Variants in LAMC2 observed in about 807,000 individuals in gnomAD.
LAMC2 encodes the protein laminin subunit gamma-2.
In LAMC2, 97 loss-of-function variants were observed where a neutral mutation model predicts 140.2. That is an observed-to-expected ratio of 0.69 (90% CI 0.59 to 0.82). The LOEUF (loss-of-function observed/expected upper bound fraction) is 0.82. Among genes scored for constraint, LAMC2 ranks in the 40% least tolerant of loss-of-function variants. The pLI, the probability that LAMC2 is intolerant of heterozygous loss-of-function variation, is 0.00. For missense variants in LAMC2, 1,402 were observed against 1,476.1 expected, an observed-to-expected ratio of 0.95 and a Z score of 0.82; for synonymous variants, 513 against 540.2, an observed-to-expected ratio of 0.95 and a Z score of 0.70.
intron 2 of LAMC2, among the ~76,000 whole-genome samples, chr1:183,208,793 C>T (rs1174105289): frequency 1.3e-5 from 2 of 152,070 alleles, no homozygotes; most frequent in African/African-American, 2.4e-5. Context: ...GATTCCCCTG[C>T]CTTAGCTTCC....
At chr1:183,231,155 G>C (rs777437488) in intron 12 of LAMC2, 52 bp downstream of exon 12, 1 of 1,606,644 alleles carries the variant, frequency 6.2e-7, no homozygotes, top group Non-Finnish European at 8.5e-7. Context: ...AAATCCTTAA[G>C]TGTCCACTGG....
At chr1:183,255,651 TATTCC>T in the LAMC2 span, among the ~76,000 whole-genome samples, 2 of 137,422 alleles carry the variant, frequency 1.5e-5, no homozygotes, top group African/African-American at 6.5e-5. Context: ...TTGTTAAATT[TATTCC>T]TAAGGGTTTT....
chr1:183,206,026 C>A (rs1166368923), intron 1 of LAMC2, among the ~76,000 whole-genome samples: 1 of 152,152 alleles, frequency 6.6e-6, no homozygotes, highest in Non-Finnish European at 1.5e-5. Flanking sequence ...TAAACTCAAT[C>A]TTGAGAAGGA....
the LAMC2 span, among the ~76,000 whole-genome samples, chr1:183,255,356 T>G: frequency 4.2e-4 from 64 of 152,324 alleles, no homozygotes; most frequent in African/African-American, 1.5e-3. Context: ...GTGTGATGCC[T>G]CCAACTTTTT....
At position 183,244,457 on chromosome 1, in the gene LAMC2, G is replaced by A. The variant is rs1161221559; in HGVS notation, c.*1057G>A. On this transcript the variant is annotated 3_prime_UTR_variant, in exon 23 of 23. Transcript: ENST00000264144. ...CATATATTTATTGAGTACCTACTGT[G>A]TGCCAGGGGCTGGTGGGACAGTGGT... 6.6e-6 allele frequency: 1 copy of A among 152,302 alleles called. No homozygotes were observed. Among genetic ancestry groups the A allele is most frequent in the Non-Finnish European group, 1.5e-5 (1 of 68,030 alleles). The allele number at this position is 152,302 out of a possible 1,614,324, so 9.4% of individuals were successfully genotyped here.
At chr1:183,258,002 G>T in the LAMC2 span, among the ~76,000 whole-genome samples, 2 of 152,060 alleles carry the variant, frequency 1.3e-5, no homozygotes, top group Non-Finnish European at 2.9e-5. Context: ...TTTCCTCTTA[G>T]AACTATCCTT....
intron 1 of LAMC2, among the ~76,000 whole-genome samples, chr1:183,194,999 C>A (rs1381623432): frequency 6.6e-6 from 1 of 152,160 alleles, no homozygotes; most frequent in African/African-American, 2.4e-5. Context: ...TGCGGTAGAG[C>A]CTTTGACAGT....
At chr1:183,216,783 T>G (rs1659274994) in intron 3 of LAMC2, among the ~76,000 whole-genome samples, 1 of 152,176 alleles carries the variant, frequency 6.6e-6, no homozygotes, top group Non-Finnish European at 1.5e-5. Context: ...TGACTCTGTC[T>G]TGTTTGCTTC....
chr1:183,197,549 G>A (rs1478602483), intron 1 of LAMC2, among the ~76,000 whole-genome samples: 10 of 151,936 alleles, frequency 6.6e-5, no homozygotes, highest in South Asian at 4.2e-4. Flanking sequence ...GCTGGCGGGC[G>A]CCTATAGTCC....
intron 1 of LAMC2, among the ~76,000 whole-genome samples, chr1:183,195,964 A>G (rs879445359): frequency 2.0e-5 from 3 of 152,220 alleles, no homozygotes; most frequent in Non-Finnish European, 4.4e-5. Context: ...TAATAAAAAC[A>G]TTCATCTTTT....
chr1:183,257,289 A>G, the LAMC2 span, among the ~76,000 whole-genome samples: 1 of 151,912 alleles, frequency 6.6e-6, no homozygotes, highest in Non-Finnish European at 1.5e-5. Context: ...AAAAATACAA[A>G]AATTAGCTGG....
At chr1:183,224,462 C>T (rs1659568103) in intron 7 of LAMC2, among the ~76,000 whole-genome samples, 2 of 152,108 alleles carry the variant, frequency 1.3e-5, no homozygotes, top group Non-Finnish European at 2.9e-5. Context: ...GTGTGATCGT[C>T]AGGTGTGAAG....
At chr1:183,251,504 T>C in the LAMC2 span, 4 of 152,310 alleles carry the variant, frequency 2.6e-5, no homozygotes, top group African/African-American at 9.7e-5. Flanking sequence ...AGTGTTTTTT[T>C]GTTTTGTTTT....
rs886045629 is a variant in LAMC2 at position 183,243,229 on chromosome 1, A to G, written c.3411A>G (p.Gln1137=). Residue 1137 remains glutamine (Q), a synonymous_variant, in exon 23 of 23, where the codon CAA becomes CAG. Coordinates refer to ENST00000264144, the MANE Select transcript of LAMC2 (RefSeq NM_005562.3). ...LSRAKTQINS[Q]LRPMMSELEE... is the part of the protein sequence containing the mutation. ...GAGCCAAGACCCAGATCAACAGCCA[A>G]CTGCGGCCCATGATGTCAGAGCTGG... is the stretch of plus-strand genomic sequence containing the variant. 2 of 1,614,158 alleles carry G rather than the reference A, an allele frequency of 1.2e-6. No homozygotes were observed. Among genetic ancestry groups the G allele is most frequent in the Non-Finnish European group, 1.7e-6 (2 of 1,180,020 alleles).
chr1:183,215,628 T>C (rs776717566), intron 3 of LAMC2, 40 bp downstream of exon 3: 2 of 1,612,852 alleles, frequency 1.2e-6, no homozygotes, highest in South Asian at 2.2e-5. Flanking sequence ...ACTAACTCAG[T>C]GATGACAATT....
intron 1 of LAMC2, among the ~76,000 whole-genome samples, chr1:183,189,917 G>A (rs1459037343): frequency 6.6e-6 from 1 of 152,192 alleles, no homozygotes; most frequent in African/African-American, 2.4e-5. Context: ...CACTAATTTG[G>A]TTTTTCCCAT....
rs931831598 is a variant in LAMC2 at position 183,243,477 on chromosome 1, G to T, written c.*77G>T. 2 of 1,564,828 alleles carry T rather than the reference G, an allele frequency of 1.3e-6. No individual in the cohort carries two copies. The highest frequency in any genetic ancestry group is 2.7e-5 in the African/African-American group (2 of 73,866). The stretch of plus-strand genomic sequence containing the variant: ...CTCGGGAGCCATGTCATGTGAGTGG[G>T]TGGGATGGGGACATTTGAACATGTT... On this transcript the variant is annotated 3_prime_UTR_variant, in exon 23 of 23. Coordinates refer to ENST00000264144, the MANE Select transcript of LAMC2 (RefSeq NM_005562.3).
chr1:183,212,701 C>T (rs919431740), intron 2 of LAMC2, among the ~76,000 whole-genome samples: 1 of 152,192 alleles, frequency 6.6e-6, no homozygotes, highest in Non-Finnish European at 1.5e-5. Flanking sequence ...AACATTTCCA[C>T]CTTTTATATG....
intron 16 of LAMC2, among the ~76,000 whole-genome samples, chr1:183,235,941 A>T (rs1466308111): frequency 6.6e-6 from 1 of 152,218 alleles, no homozygotes. Flanking sequence ...AATAAAATTA[A>T]TGTTTTGATT....
Sources: allele counts gnomAD v4.1 joint callset (sites outside exome capture counted in the v4.1 genomes callset), GRCh38; gene constraint gnomAD v4.1.1; transcripts MANE v1.5; gene names NCBI Gene and HGNC (gene_info 2026-07-23, HGNC 2026-07-21).